The following RUBCN variants were observed in gnomAD, a reference collection of about 807,000 sequenced individuals.
The protein encoded by RUBCN is run domain Beclin-1-interacting and cysteine-rich domain-containing protein.
RUBCN carries 74 observed loss-of-function variants against 113.2 expected under a neutral mutation model. That is an observed-to-expected ratio of 0.65 (90% CI 0.54 to 0.79). The LOEUF is 0.79. Ranked by LOEUF, RUBCN falls within the 30% of genes least tolerant of loss-of-function variation. RUBCN has a pLI of 0.00. For missense variants in RUBCN, 1,109 were observed against 1,251.7 expected, an observed-to-expected ratio of 0.89 and a Z score of 1.72; for synonymous variants, 480 against 490.0, an observed-to-expected ratio of 0.98 and a Z score of 0.27.
chr3:197,693,684 A>C, intron 11 of RUBCN, 31 bp downstream of exon 11: 1 of 1,400,004 alleles, frequency 7.1e-7, no homozygotes, highest in South Asian at 1.2e-5. Context: ...ACAGAATAAA[A>C]GTTCCCTTGT....
chr3:197,726,940 AT>A lies in RUBCN; in HGVS notation c.66-8811del, dbSNP rs1169226625. Among the ~76,000 whole-genome samples, 378 of 131,694 alleles carry A rather than the reference AT, an allele frequency of 2.9e-3. 1 individual carries two copies. Among genetic ancestry groups the A allele is most frequent in the East Asian group, 5.8e-3 (26 of 4,500 alleles). 86.4% of individuals were successfully genotyped at this position (131,694 alleles called of 152,430 possible). A position where few individuals can be genotyped will look rare whatever the true frequency, so the allele number is the denominator to read the frequency against. The stretch of plus-strand genomic sequence containing the variant: ...TGCTCACAAACTAGATGCACATTCT[AT>A]TTTTTTTTTTTTTTTTGAGACTGAG... On this transcript the variant is annotated intron_variant, in intron 1 of 19. Coordinates refer to ENST00000296343, the MANE Select transcript of RUBCN (RefSeq NM_014687.4).
At chr3:197,747,224 T>C (rs773884770) in intron 1 of RUBCN, among the ~76,000 whole-genome samples, 1 of 152,150 alleles carries the variant, frequency 6.6e-6, no homozygotes, top group Non-Finnish European at 1.5e-5. Context: ...CTCTGGAATC[T>C]GGGGATGGCT....
At chr3:197,743,938 T>C (rs550188183) in intron 1 of RUBCN, among the ~76,000 whole-genome samples, 1 of 152,022 alleles carries the variant, frequency 6.6e-6, no homozygotes, top group South Asian at 2.1e-4. Context: ...GAGTCAAGAT[T>C]GCGCCACTGG....
intron 1 of RUBCN, among the ~76,000 whole-genome samples, chr3:197,730,080 TAAG>T (rs1183218549): frequency 6.6e-6 from 1 of 152,194 alleles, no homozygotes. Context: ...GAAGATTAGT[TAAG>T]AAGCTACTGA....
At chr3:197,705,237 G>T in intron 2 of RUBCN, 62 bp from the exon 3 acceptor site, 2 of 1,469,030 alleles carry the variant, frequency 1.4e-6, no homozygotes. Context: ...CTAGTTCTAG[G>T]GTTGGCATTC....
chr3:197,722,698 C>T (rs912573810), intron 1 of RUBCN, among the ~76,000 whole-genome samples: 12 of 151,856 alleles, frequency 7.9e-5, no homozygotes, highest in Non-Finnish European at 1.8e-4. Context: ...TGAATTGACT[C>T]TTTATCATTA....
chr3:197,744,220 A>C (rs910104137), intron 1 of RUBCN, among the ~76,000 whole-genome samples: 62 of 152,246 alleles, frequency 4.1e-4, no homozygotes, highest in African/African-American at 1.5e-3. Context: ...GTCACTCATG[A>C]AAAGACAAAA....
rs887731900 is a variant in RUBCN, at chr3:197,671,962, T to C, written c.*3056A>G. 7.2e-5 allele frequency: 11 copies of C among 152,260 alleles called. No individual in the cohort carries two copies. Among genetic ancestry groups the C allele is most frequent in the African/African-American group, 2.4e-4 (10 of 41,474 alleles). 9.4% of individuals were successfully genotyped at this position (152,260 alleles called of 1,614,324 possible). The stretch of plus-strand genomic sequence containing the variant: ...CCTGCTTTACAGTGGACACATGCCA[T>C]TTCTTGACAGTCAAGGCAGGCTGAC... On this transcript the variant is annotated 3_prime_UTR_variant, in exon 20 of 20. Transcript: ENST00000296343.
Position 197,701,699 on chromosome 3 carries a change from T to C in RUBCN, c.727+9A>G, listed in dbSNP as rs375908954. On this transcript the variant is annotated intron_variant, in intron 6 of 19. Coordinates refer to ENST00000296343, the MANE Select transcript of RUBCN (RefSeq NM_014687.4). ...TAAATGTAATGACCACTTTTTCCTG[T>C]CCCCATACCTGAGCCATTGTTGGGC... The C allele has an allele frequency of 1.2e-5, 20 of 1,613,446 alleles. No homozygotes were observed. Among genetic ancestry groups the C allele is most frequent in the Non-Finnish European group, 2.5e-6 (3 of 1,179,502 alleles).
chr3:197,721,701 A>G (rs185758671), intron 1 of RUBCN, among the ~76,000 whole-genome samples: 265 of 151,874 alleles, frequency 1.7e-3, no homozygotes, highest in Middle Eastern at 0.014. Flanking sequence ...AGCTCTTTCT[A>G]CTTTTTGATA....
chr3:197,684,654 A>G (rs1164059948), intron 11 of RUBCN, among the ~76,000 whole-genome samples: 7 of 151,664 alleles, frequency 4.6e-5, no homozygotes, highest in Non-Finnish European at 8.8e-5. Context: ...GCTTATATAT[A>G]TATACATATA....
chr3:197,744,689 A>T (rs1399342337), intron 1 of RUBCN, among the ~76,000 whole-genome samples: 1 of 152,186 alleles, frequency 6.6e-6, no homozygotes, highest in African/African-American at 2.4e-5. Context: ...ACAAATAAAA[A>T]ACAGTTATGC....
intron 1 of RUBCN, among the ~76,000 whole-genome samples, chr3:197,730,027 TAGC>T (rs1357321773): frequency 6.6e-6 from 1 of 152,212 alleles, no homozygotes; most frequent in African/African-American, 2.4e-5. Flanking sequence ...ATTAAACTAG[TAGC>T]AGGGTGAGGC....
chr3:197,713,474 G>A (rs1725177345), intron 2 of RUBCN, among the ~76,000 whole-genome samples: 1 of 152,172 alleles, frequency 6.6e-6, no homozygotes, highest in African/African-American at 2.4e-5. Context: ...CACACTGGCA[G>A]GATTCCCAAG....
At position 197,704,644 on chromosome 3, in the gene RUBCN, C is replaced by A; in HGVS notation, c.361G>T (p.Val121Phe). The A allele has an allele frequency of 6.2e-7, 1 of 1,614,170 alleles. No homozygotes were observed. Among genetic ancestry groups the A allele is most frequent in the Non-Finnish European group, 8.5e-7 (1 of 1,180,018 alleles). The change falls in exon 4 of 20, where the codon GTT (valine) becomes TTT (phenylalanine). Residue 121 changes from valine to phenylalanine, a missense_variant. By Grantham distance (50) the Val-to-Phe change is conservative (BLOSUM62 -1). Coordinates refer to ENST00000296343, the MANE Select transcript of RUBCN (RefSeq NM_014687.4). ...SSADGASERA[V>F]AELWLQHSLQ... ...CTGTGCTGCAGCCACAGCTCGGCAA[C>A]AGCACGTTCACTGGCACCATCAGCA...
At chr3:197,731,828 G>T (rs1369373237) in intron 1 of RUBCN, among the ~76,000 whole-genome samples, 1 of 152,188 alleles carries the variant, frequency 6.6e-6, no homozygotes, top group African/African-American at 2.4e-5. Context: ...CCGGGACAGG[G>T]CGGCTGGCCG....
rs765866013 is a variant in RUBCN, at chr3:197,701,727, G to C, written c.708C>G (p.Ser236=). The part of the protein sequence containing the change: ...YFGSFSSLHQ[S]VPNNGSERRS... ...CCATACCTGAGCCATTGTTGGGCAC[G>C]GATTGGTGGAGGCTAGAGAAGGACC... The change falls in exon 6 of 20, where the codon TCC becomes TCG. Residue 236 remains serine (S), a synonymous_variant. Transcript: ENST00000296343. 4 of 1,614,068 alleles carry C rather than the reference G, an allele frequency of 2.5e-6. No homozygotes were observed. The highest frequency in any genetic ancestry group is 1.3e-5 in the African/African-American group (1 of 75,026).
intron 2 of RUBCN, among the ~76,000 whole-genome samples, chr3:197,714,594 T>G (rs1182735659): frequency 6.6e-6 from 1 of 152,210 alleles, no homozygotes; most frequent in Non-Finnish European, 1.5e-5. Flanking sequence ...CTTCCCGAAG[T>G]GCTAGAATTA....
chr3:197,718,527 G>A (rs902528715), intron 1 of RUBCN, among the ~76,000 whole-genome samples: 6 of 152,126 alleles, frequency 3.9e-5, no homozygotes, highest in African/African-American at 1.4e-4. Context: ...ACAGCTCACT[G>A]TAGCCTCAAC....
Sources: allele counts gnomAD v4.1 joint callset (sites outside exome capture counted in the v4.1 genomes callset), GRCh38; gene constraint gnomAD v4.1.1; transcripts MANE v1.5; gene names NCBI Gene and HGNC (gene_info 2026-07-23, HGNC 2026-07-21).